Variants in SYNE2 observed in about 807,000 individuals in gnomAD.
SYNE2 encodes the protein spectrin repeat containing nuclear envelope protein 2.
In SYNE2, 431 loss-of-function variants were observed where a neutral mutation model predicts 856.3. The ratio of observed to expected loss-of-function variants is 0.50; its 90% CI spans 0.47 to 0.55. The LOEUF is 0.55. SYNE2 is among the 20% of genes least tolerant of loss of function. SYNE2 has a pLI of 0.00. For missense variants in SYNE2, 8,129 were observed against 8,023.2 expected (o/e 1.01, Z -0.50); for synonymous variants, 2,923 against 2,872.3 (o/e 1.02, Z -0.56).
At chr14:63,947,826 A>G (rs1489531445) in intron 6 of SYNE2, among the ~76,000 whole-genome samples, 2 of 151,922 alleles carry the variant, frequency 1.3e-5, no homozygotes, top group African/African-American at 2.4e-5. Context: ...AACAAGAGTG[A>G]AACTCTGTCT....
At position 64,126,620 on chromosome 14, in the gene SYNE2, A is replaced by G. The variant is rs369511669; in HGVS notation, c.13730A>G (p.Lys4577Arg). ...HYETLALELK[K>R]LYLALSDKKG... ...CAGACGCTGGCTCTTGAGTTGAAGA[A>G]ACTTTATTTAGCGCTAAGTGACAAG... is the stretch of plus-strand genomic sequence containing the variant. The change falls in exon 73 of 116, where the codon AAA becomes AGA. Residue 4577 changes from lysine (K) to arginine (R), a missense_variant. Physicochemically the swap from Lys to Arg is conservative, Grantham distance 26 (BLOSUM62 2). This residue lies in a region of SYNE2 where 5,410 missense variants were observed against 5,284.8 expected (regional missense o/e 1.02). Transcript: ENST00000555002. 14 of 1,614,082 alleles carry G rather than the reference A, an allele frequency of 8.7e-6. No homozygotes were observed. The African/African-American group carries it at 1.7e-4, about 20-fold the overall frequency.
At chr14:64,207,546 CAAA>C (rs11330383) in intron 100 of SYNE2, among the ~76,000 whole-genome samples, 22 of 132,710 alleles carry the variant, frequency 1.7e-4, no homozygotes, top group South Asian at 2.4e-4. Context: ...ACCCTTGTCT[CAAA>C]AAAAAAAAAA....
chr14:64,170,143 C>G (rs1296337947), intron 93 of SYNE2, 85 bp from the exon 94 acceptor site: 1 of 1,294,366 alleles, frequency 7.7e-7, no homozygotes, highest in Non-Finnish European at 1.1e-6. Context: ...CTTATAAAAA[C>G]TGAATCTGAG....
At chr14:64,017,828 CAACA>C in intron 34 of SYNE2, 72 bp downstream of exon 34, 1 of 1,458,440 alleles carries the variant, frequency 6.9e-7, no homozygotes, top group Non-Finnish European at 9.6e-7. Context: ...TGAATATAGT[CAACA>C]AACATTAGGA....
At chr14:64,129,140 C>T (rs2097983253) in intron 74 of SYNE2, among the ~76,000 whole-genome samples, 1 of 145,748 alleles carries the variant, frequency 6.9e-6, no homozygotes, top group Admixed American at 6.7e-5. Context: ...AACCCCATCT[C>T]TATCGAAAAT....
intron 1 of SYNE2, among the ~76,000 whole-genome samples, chr14:63,773,138 A>C (rs1269006320): frequency 2.7e-5 from 4 of 150,052 alleles, no homozygotes; most frequent in Admixed American, 2.0e-4. Context: ...TCATATAATA[A>C]ATTTTACTGT....
At position 64,141,941 on chromosome 14, in the gene SYNE2, G is replaced by C; in HGVS notation, c.15160-1G>C. 1 of 1,613,848 alleles carries C rather than the reference G, an allele frequency of 6.2e-7. No homozygotes were observed. Among genetic ancestry groups the C allele is most frequent in the East Asian group, 2.2e-5 (1 of 44,830 alleles). On this transcript the variant is annotated splice_acceptor_variant, in intron 81 of 115. Transcript: ENST00000555002. LOFTEE classifies it high-confidence loss of function. ...AAATGGAAATCATTTTGTTCTTACA[G>C]CTTCAAATGGAGAAATTGCCGTCTC...
intron 50 of SYNE2, 44 bp from the exon 51 acceptor site, chr14:64,065,388 C>G: frequency 6.5e-7 from 1 of 1,548,304 alleles, no homozygotes; most frequent in Non-Finnish European, 8.9e-7. Flanking sequence ...TCAGGAAAAC[C>G]ATAATAGTAT....
At chr14:63,871,300 G>A in intron 1 of SYNE2, among the ~76,000 whole-genome samples, 1 of 151,776 alleles carries the variant, frequency 6.6e-6, no homozygotes, top group Non-Finnish European at 1.5e-5. Flanking sequence ...CTGCCTCCTG[G>A]GTTCAAGCGA....
rs1319194280 is a variant in SYNE2 at position 64,212,732 on chromosome 14, A to G, written c.18862-79A>G. On this transcript the variant is annotated intron_variant, in intron 104 of 115. Transcript: ENST00000555002. Reference sequence around the variant, plus strand: ...AATAATGACATTTGGATGCTTTTCTATGGCCCTGTTAGAAGAAACAGGCAG... The same window carrying G: ...AATAATGACATTTGGATGCTTTTCTGTGGCCCTGTTAGAAGAAACAGGCAG... The G allele has an allele frequency of 3.8e-6, 5 of 1,323,068 alleles. No homozygotes were observed. In the African/African-American group the frequency reaches 5.8e-5, roughly 15 times the overall value. The allele number at this position is 1,323,068 out of a possible 1,614,324, so 82.0% of individuals were successfully genotyped here. A position where few individuals can be genotyped will look rare whatever the true frequency, so the allele number is the denominator to read the frequency against.
At chr14:64,069,911 G>T (rs2097391171) in intron 51 of SYNE2, among the ~76,000 whole-genome samples, 2 of 152,214 alleles carry the variant, frequency 1.3e-5, no homozygotes, top group Non-Finnish European at 2.9e-5. Context: ...TGAACGTGGA[G>T]CAGGAGAGTT....
rs35258750 is a variant in SYNE2 at position 63,869,636 on chromosome 14, CAAAAAA to C, written c.-52+16511_-52+16516del. ...GGGCAACAAGAGCGAAACTTTGTCT[CAAAAAA>C]AAAAAAAAAAAAAAAAACTGCTCCC... On this transcript the variant is annotated intron_variant, in intron 1 of 115. Coordinates refer to ENST00000555002, the MANE Select transcript of SYNE2 (RefSeq NM_182914.3). Among the ~76,000 whole-genome samples, 130 of 77,420 alleles carry C rather than the reference CAAAAAA, an allele frequency of 1.7e-3. 1 individual carries two copies. The highest frequency in any genetic ancestry group is 6.4e-3 in the Middle Eastern group (1 of 156). 50.8% of individuals were successfully genotyped at this position (77,420 alleles called of 152,430 possible). A position where few individuals can be genotyped will look rare whatever the true frequency, so the allele number is the denominator to read the frequency against.
rs931660716 is a variant in SYNE2, at chr14:64,105,985, G to A, written c.12493-1506G>A. On this transcript the variant is annotated intron_variant, in intron 64 of 115. Transcript: ENST00000555002. ...GGATCACTTGAGCCTGGGAGATGAAGGTTGCAGTGAAGCTAAGATTGCACC... is the reference window on the plus strand; with the variant it reads ...GGATCACTTGAGCCTGGGAGATGAAAGTTGCAGTGAAGCTAAGATTGCACC... Among the ~76,000 whole-genome samples the A allele has an allele frequency of 4.0e-5, 6 of 151,638 alleles. No homozygotes were observed. The East Asian group carries it at 7.7e-4, about 20-fold the overall frequency.
chr14:63,982,574 T>C, intron 16 of SYNE2, 56 bp from the exon 17 acceptor site: 1 of 1,387,276 alleles, frequency 7.2e-7, no homozygotes, highest in Non-Finnish European at 1.0e-6. Flanking sequence ...TGATTATACA[T>C]AATAGAAAGA....
intron 1 of SYNE2, among the ~76,000 whole-genome samples, chr14:63,874,874 A>G (rs1315683823): frequency 6.6e-6 from 1 of 152,162 alleles, no homozygotes; most frequent in African/African-American, 2.4e-5. Context: ...TGATTTAATG[A>G]CATAGAAAAT....
At chr14:64,122,480 C>G in intron 70 of SYNE2, 53 bp downstream of exon 70, 1 of 1,610,914 alleles carries the variant, frequency 6.2e-7, no homozygotes, top group Non-Finnish European at 8.5e-7. Flanking sequence ...GAAAATCCAA[C>G]AAGCATTCAT....
At chr14:64,000,503 A>C (rs1221880203) in intron 27 of SYNE2, 59 bp from the exon 28 acceptor site, 3 of 1,456,978 alleles carry the variant, frequency 2.1e-6, no homozygotes. Flanking sequence ...TTTTAAGAAC[A>C]GAATAATTGT....
intron 45 of SYNE2, among the ~76,000 whole-genome samples, chr14:64,039,306 G>A (rs755539202): frequency 1.4e-4 from 22 of 152,224 alleles, no homozygotes; most frequent in Non-Finnish European, 2.6e-4. Context: ...CCCCTGAATG[G>A]GAAAAGGGAT....
At chr14:64,152,759 T>C in intron 85 of SYNE2, 43 bp downstream of exon 85, 2 of 1,611,450 alleles carry the variant, frequency 1.2e-6, no homozygotes, top group East Asian at 2.2e-5. Context: ...CTTCACATAT[T>C]CTTTTACCTT....
Sources: allele counts gnomAD v4.1 joint callset (sites outside exome capture counted in the v4.1 genomes callset), GRCh38; gene constraint gnomAD v4.1.1; regional missense constraint gnomAD v4.1.1; transcripts MANE v1.5; gene names NCBI Gene and HGNC (gene_info 2026-07-23, HGNC 2026-07-21).